The following ALMS1 variants were observed in gnomAD, a reference collection of about 807,000 sequenced individuals.
ALMS1 encodes the protein centrosome-associated protein ALMS1.
A neutral mutation model predicts 352.2 loss-of-function variants in ALMS1; 271 were observed. That is an observed-to-expected ratio of 0.77 (90% CI 0.70 to 0.85). The LOEUF is 0.85. Ranked by LOEUF, ALMS1 falls within the 40% of genes least tolerant of loss-of-function variation. The pLI is 0.00. For missense variants in ALMS1, 5,445 were observed against 4,870.7 expected, an observed-to-expected ratio of 1.12 and a Z score of -3.51; for synonymous variants, 1,865 against 1,761.2, an observed-to-expected ratio of 1.06 and a Z score of -1.48.
intron 9 of ALMS1, among the ~76,000 whole-genome samples, chr2:73,479,982 A>G (rs1572960305): frequency 6.6e-6 from 1 of 152,002 alleles, no homozygotes; most frequent in East Asian, 1.9e-4. Context: ...GATGTTGCAC[A>G]TTTTTTAATA....
At chr2:73,558,346 C>T (rs1674586692) in intron 14 of ALMS1, among the ~76,000 whole-genome samples, 1 of 152,154 alleles carries the variant, frequency 6.6e-6, no homozygotes, top group African/African-American at 2.4e-5. Flanking sequence ...AGATTGTATT[C>T]TGGGCAACAC....
intron 9 of ALMS1, among the ~76,000 whole-genome samples, chr2:73,488,897 C>G (rs1672914672): frequency 6.6e-6 from 1 of 152,080 alleles, no homozygotes; most frequent in South Asian, 2.1e-4. Context: ...TTTTTTCCCC[C>G]CATTGTTAGG....
intron 11 of ALMS1, among the ~76,000 whole-genome samples, chr2:73,520,263 T>G (rs891498998): frequency 1.3e-5 from 2 of 152,230 alleles, no homozygotes; most frequent in African/African-American, 4.8e-5. Flanking sequence ...TAGTTTTGTC[T>G]CATCATATTT....
In ALMS1 at chr2:73,602,278, A is replaced by C. The variant is rs1306398275; in HGVS notation, c.12208A>C (p.Ser4070Arg). 2.5e-6 allele frequency: 4 copies of C among 1,614,208 alleles called. No individual in the cohort carries two copies. The highest frequency in any genetic ancestry group is 3.4e-6 in the Non-Finnish European group (4 of 1,180,032). The change falls in exon 20 of 23, where the codon AGC becomes CGC. Residue 4070 changes from serine (S) to arginine (R), a missense_variant. Physicochemically the swap from Ser to Arg is moderately radical, Grantham distance 110. Coordinates refer to ENST00000613296, the MANE Select transcript of ALMS1 (RefSeq NM_001378454.1). ...KLIVQERKLQ[S>R]MLQTERDALF... ...AATAGTCCAGGAGAGGAAGCTGCAGAGCATGTTACAGACCGAGCGGGATGC... is the reference window on the plus strand; with the variant it reads ...AATAGTCCAGGAGAGGAAGCTGCAGCGCATGTTACAGACCGAGCGGGATGC...
In ALMS1 at chr2:73,452,500, A is replaced by G. The variant is rs376233584; in HGVS notation, c.5973A>G (p.Ser1991=). ...PIGLSSSYSH[S]HKEKLKISTV... ...GACTGTCTAGTTCCTACTCACATTC[A>G]CATAAAGAGAAACTCAAGATTTCAA... is the stretch of plus-strand genomic sequence containing the variant. Residue 1991 remains serine (S), a synonymous_variant, in exon 8 of 23, where the codon TCA becomes TCG. Coordinates refer to ENST00000613296, the MANE Select transcript of ALMS1 (RefSeq NM_001378454.1). The G allele has an allele frequency of 1.9e-6, 3 of 1,614,086 alleles. No homozygotes were observed. The highest frequency in any genetic ancestry group is 2.5e-6 in the Non-Finnish European group (3 of 1,180,000).
intron 21 of ALMS1, among the ~76,000 whole-genome samples, chr2:73,605,439 A>G (rs982179636): frequency 3.1e-4 from 47 of 152,240 alleles, no homozygotes; most frequent in Non-Finnish European, 1.3e-4. Flanking sequence ...AAATCAGGGA[A>G]TAGATAGAAG....
At chr2:73,573,610 C>A in intron 16 of ALMS1, 186 bp downstream of exon 16, 1 of 704,302 alleles carries the variant, frequency 1.4e-6, no homozygotes. Flanking sequence ...TTTTCATCAA[C>A]ATTCATTTAC....
intron 11 of ALMS1, among the ~76,000 whole-genome samples, chr2:73,530,457 T>C (rs1673885104): frequency 6.6e-6 from 1 of 152,336 alleles, no homozygotes; most frequent in South Asian, 2.1e-4. Context: ...CCCACAGCCT[T>C]GGGCAGCTCC....
At chr2:73,460,665 G>C (rs945043781) in intron 9 of ALMS1, among the ~76,000 whole-genome samples, 5 of 152,216 alleles carry the variant, frequency 3.3e-5, no homozygotes, top group Non-Finnish European at 7.3e-5. Flanking sequence ...GAAGTGCAAG[G>C]GGTCAGGGAG....
chr2:73,589,580 A>C (rs1431775241), intron 16 of ALMS1, among the ~76,000 whole-genome samples: 2 of 152,226 alleles, frequency 1.3e-5, no homozygotes, highest in Non-Finnish European at 2.9e-5. Flanking sequence ...TTAAGTATGC[A>C]TGAACTTTCA....
At chr2:73,574,220 G>A (rs1675005375) in intron 16 of ALMS1, among the ~76,000 whole-genome samples, 1 of 152,058 alleles carries the variant, frequency 6.6e-6, no homozygotes, top group Admixed American at 6.6e-5. Flanking sequence ...CTCCTATAAG[G>A]CCATTATCAC....
intron 15 of ALMS1, among the ~76,000 whole-genome samples, chr2:73,561,291 A>G (rs553873831): frequency 7.1e-4 from 108 of 152,168 alleles, no homozygotes; most frequent in South Asian, 4.6e-3. Context: ...ACAGGAATCT[A>G]TAAACTCATT....
Position 73,449,772 on chromosome 2 carries a change from C to G in ALMS1, c.3245C>G (p.Pro1082Arg). The G allele has an allele frequency of 1.2e-6, 2 of 1,614,082 alleles. No individual in the cohort carries two copies. The highest frequency in any genetic ancestry group is 1.7e-6 in the Non-Finnish European group (2 of 1,179,954). ...CTGAAAGTTTCAGCCTTCCCTGGACCAGCTGACCAGATGACTGACACACCA... is the reference window on the plus strand; with the variant it reads ...CTGAAAGTTTCAGCCTTCCCTGGACGAGCTGACCAGATGACTGACACACCA... Reference protein sequence around the residue: ...ESLKVSAFPGPADQMTDTPAV... With the variant: ...ESLKVSAFPGRADQMTDTPAV... Residue 1082 changes from proline (P) to arginine (R), a missense_variant, in exon 8 of 23, where the codon CCA (proline) becomes CGA (arginine). By Grantham distance (103) the Pro-to-Arg change is moderately radical. Coordinates refer to ENST00000613296, the MANE Select transcript of ALMS1 (RefSeq NM_001378454.1).
At chr2:73,531,780 A>G (rs867759372) in intron 11 of ALMS1, among the ~76,000 whole-genome samples, 1 of 152,216 alleles carries the variant, frequency 6.6e-6, no homozygotes, top group Non-Finnish European at 1.5e-5. Flanking sequence ...ACTTACAATC[A>G]TGGCGGAAGG....
chr2:73,465,606 A>C (rs2103826905), intron 9 of ALMS1, among the ~76,000 whole-genome samples: 1 of 152,346 alleles, frequency 6.6e-6, no homozygotes, highest in Admixed American at 6.5e-5. Context: ...AAACACCAAA[A>C]GCAATGGCAA....
At chr2:73,508,407 G>A (rs765698661) in intron 10 of ALMS1, among the ~76,000 whole-genome samples, 1 of 151,774 alleles carries the variant, frequency 6.6e-6, no homozygotes, top group Non-Finnish European at 1.5e-5. Flanking sequence ...GGGTTTCACT[G>A]TGTTAGTCAG....
At chr2:73,529,271 C>T (rs1418744349) in intron 11 of ALMS1, among the ~76,000 whole-genome samples, 2 of 151,884 alleles carry the variant, frequency 1.3e-5, no homozygotes, top group African/African-American at 2.4e-5. Flanking sequence ...CTTGAACTCC[C>T]GACCTCAGGT....
intron 12 of ALMS1, among the ~76,000 whole-genome samples, chr2:73,548,431 C>T (rs1674364013): frequency 6.6e-6 from 1 of 152,200 alleles, no homozygotes; most frequent in African/African-American, 2.4e-5. Context: ...TGCCTCTCAC[C>T]TCCTCTGAGG....
Position 73,601,366 on chromosome 2 carries a change from G to T in ALMS1, c.12044G>T (p.Gly4015Val), listed in dbSNP as rs200462734. ...NCQGQHLDGR[G>V]YLAGPGREAG... ...CAGGGGCAGCACCTGGACGGTCGGG[G>T]CTACCTGGCAGGCCCAGGCAGAGAG... The change falls in exon 19 of 23, where the codon GGC becomes GTC. Residue 4015 changes from glycine (G) to valine (V), a missense_variant. Coordinates refer to ENST00000613296, the MANE Select transcript of ALMS1 (RefSeq NM_001378454.1). 4 of 1,614,050 alleles carry T rather than the reference G, an allele frequency of 2.5e-6. No individual in the cohort carries two copies. The highest frequency in any genetic ancestry group is 3.4e-6 in the Non-Finnish European group (4 of 1,180,008).
Sources: gnomAD v4.1 joint callset for allele counts (sites outside exome capture counted in the v4.1 genomes callset) on GRCh38, gnomAD v4.1.1 for gene constraint, MANE v1.5 for transcripts, NCBI Gene and HGNC (gene_info 2026-07-23, HGNC 2026-07-21) for gene names.